NBEA: variants seen among roughly 807,000 people sequenced by gnomAD.
NBEA encodes the protein lysosomal-trafficking regulator 2.
Under a neutral mutation model 343.4 loss-of-function variants are expected in NBEA, and 44 were observed. The ratio of observed to expected loss-of-function variants is 0.13; its 90% CI spans 0.10 to 0.16. The LOEUF (loss-of-function observed/expected upper bound fraction) is 0.16, where lower values mean the gene tolerates loss of function less well. Ranked by LOEUF, NBEA falls within the 10% of genes least tolerant of loss-of-function variation. The pLI, the probability that NBEA is intolerant of heterozygous loss-of-function variation, is 1.00. For missense variants in NBEA, 2,555 were observed against 3,631.3 expected, an observed-to-expected ratio of 0.70 and a Z score of 7.62; for synonymous variants, 1,175 against 1,238.7, an observed-to-expected ratio of 0.95 and a Z score of 1.08.
chr13:35,102,779 G>T (rs2065710472), intron 11 of NBEA, among the ~76,000 whole-genome samples: 2 of 151,724 alleles, frequency 1.3e-5, no homozygotes, highest in Admixed American at 6.6e-5. Context: ...CTAGTCATTT[G>T]TAGATTTTTT....
At chr13:35,274,121 A>C (rs563902673) in intron 34 of NBEA, among the ~76,000 whole-genome samples, 1 of 152,208 alleles carries the variant, frequency 6.6e-6, no homozygotes, top group Non-Finnish European at 1.5e-5. Flanking sequence ...TCAATAAAAT[A>C]CTGGCCTACT....
intron 53 of NBEA, among the ~76,000 whole-genome samples, chr13:35,653,717 A>G (rs952568962): frequency 1.3e-5 from 2 of 152,202 alleles, no homozygotes; most frequent in Non-Finnish European, 2.9e-5. Flanking sequence ...ACTTATACCC[A>G]TACACAAAAT....
At chr13:35,125,847 TAC>T (rs770126953) in intron 17 of NBEA, among the ~76,000 whole-genome samples, 11 of 152,092 alleles carry the variant, frequency 7.2e-5, no homozygotes, top group Non-Finnish European at 1.6e-4. Flanking sequence ...CATACATACA[TAC>T]ATACATACAT....
intron 41 of NBEA, among the ~76,000 whole-genome samples, chr13:35,493,951 T>C (rs959732): frequency 0.049 from 7,463 of 151,910 alleles, 431 homozygotes; most frequent in East Asian, 0.21. Flanking sequence ...TTACAATAAA[T>C]CTTTTAAAAA....
chr13:35,427,616 G>T (rs1413412890), intron 38 of NBEA, among the ~76,000 whole-genome samples: 1 of 152,210 alleles, frequency 6.6e-6, no homozygotes, highest in Non-Finnish European at 1.5e-5. Context: ...CCCGTTCTCA[G>T]ATCTCAATCT....
chr13:35,590,348 T>C (rs888414821), intron 46 of NBEA, among the ~76,000 whole-genome samples: 3 of 152,146 alleles, frequency 2.0e-5, no homozygotes, highest in Non-Finnish European at 4.4e-5. Context: ...TGAGAATATA[T>C]GTCAGTAATG....
chr13:34,966,564 GGTCT>G (rs2059825781), intron 1 of NBEA, among the ~76,000 whole-genome samples: 3 of 149,944 alleles, frequency 2.0e-5, no homozygotes, highest in Admixed American at 1.3e-4. Context: ...TCCAAATCCT[GGTCT>G]GTCTTTTCGT....
chr13:35,435,173 G>C (rs2045354438), intron 39 of NBEA, among the ~76,000 whole-genome samples: 1 of 152,024 alleles, frequency 6.6e-6, no homozygotes, highest in South Asian at 2.1e-4. Context: ...ACCACACCCG[G>C]CTAACTCTTT....
At chr13:35,350,408 C>T (rs1168631451) in intron 37 of NBEA, among the ~76,000 whole-genome samples, 1 of 151,974 alleles carries the variant, frequency 6.6e-6, no homozygotes, top group East Asian at 1.9e-4. Context: ...TAATACCACC[C>T]ATAGGCTGTG....
intron 17 of NBEA, among the ~76,000 whole-genome samples, chr13:35,125,558 G>A (rs1252253337): frequency 2.0e-5 from 3 of 152,084 alleles, no homozygotes; most frequent in Non-Finnish European, 2.9e-5. Context: ...TATAGAGAAA[G>A]GAAAGTTTGT....
intron 1 of NBEA, among the ~76,000 whole-genome samples, chr13:34,998,758 C>T (rs913226474): frequency 6.6e-6 from 1 of 152,032 alleles, no homozygotes; most frequent in Non-Finnish European, 1.5e-5. Context: ...ATTGTTCAAA[C>T]ACACATGCTG....
At chr13:35,056,716 A>G (rs112488351) in intron 7 of NBEA, among the ~76,000 whole-genome samples, 1 of 152,094 alleles carries the variant, frequency 6.6e-6, no homozygotes, top group East Asian at 1.9e-4. Flanking sequence ...GGAAGAGGCA[A>G]AATAATATTA....
At chr13:35,060,748 G>A (rs1593222335) in intron 8 of NBEA, among the ~76,000 whole-genome samples, 1 of 151,448 alleles carries the variant, frequency 6.6e-6, no homozygotes, top group South Asian at 2.1e-4. Context: ...ATATAGGGAA[G>A]GAGGAATGCA....
chr13:35,180,264 G>C (rs193236608), intron 28 of NBEA, among the ~76,000 whole-genome samples: 54 of 151,806 alleles, frequency 3.6e-4, no homozygotes, highest in Admixed American at 3.2e-3. Flanking sequence ...TGGTTTGAAA[G>C]TATCAGTTTT....
Position 35,117,481 on chromosome 13 carries a change from G to A in NBEA, c.2070G>A (p.Gln690=). 1 of 1,344,736 alleles carries A rather than the reference G, an allele frequency of 7.4e-7. No individual in the cohort carries two copies. The highest frequency in any genetic ancestry group is 9.7e-7 in the Non-Finnish European group (1 of 1,027,760). 83.3% of individuals were successfully genotyped at this position (1,344,736 alleles called of 1,614,324 possible). A position where few individuals can be genotyped will look rare whatever the true frequency, so the allele number is the denominator to read the frequency against. ...LRAFMLLFLK[Q]LILKDRGVKE... is the part of the protein sequence containing the mutation. ...CATTTATGCTACTTTTTCTGAAACA[G>A]CTGATACTAAAGGTAAAATAATTTT... The change falls in exon 14 of 59, where the codon CAG becomes CAA. Residue 690 remains glutamine, a synonymous_variant. Coordinates refer to ENST00000379939, the MANE Select transcript of NBEA (RefSeq NM_001385012.1).
intron 1 of NBEA, among the ~76,000 whole-genome samples, chr13:34,965,086 T>C (rs554159043): frequency 1.8e-4 from 27 of 152,176 alleles, no homozygotes; most frequent in Admixed American, 1.0e-3. Context: ...TGTATGGTTT[T>C]AAACCCTGAC....
intron 34 of NBEA, among the ~76,000 whole-genome samples, chr13:35,263,083 G>T (rs9543808): frequency 0.074 from 11,208 of 152,124 alleles, 562 homozygotes; most frequent in Non-Finnish European, 0.11. Flanking sequence ...TGCAACAAAG[G>T]TACAGTAATC....
At chr13:35,148,587 A>G (rs539793377) in intron 18 of NBEA, among the ~76,000 whole-genome samples, 23 of 152,336 alleles carry the variant, frequency 1.5e-4, no homozygotes, top group African/African-American at 5.3e-4. Flanking sequence ...GCAAATACTG[A>G]TTAATACTTA....
intron 49 of NBEA, among the ~76,000 whole-genome samples, chr13:35,640,921 G>T (rs7990684): frequency 6.6e-6 from 1 of 151,394 alleles, no homozygotes; most frequent in Non-Finnish European, 1.5e-5. Flanking sequence ...CCTATTTCTC[G>T]GTGAGTCTTA....
Sources: allele counts gnomAD v4.1 joint callset (sites outside exome capture counted in the v4.1 genomes callset), GRCh38; gene constraint gnomAD v4.1.1; transcripts MANE v1.5; gene names NCBI Gene and HGNC (gene_info 2026-07-23, HGNC 2026-07-21).